The following KIAA1217 variants were observed in gnomAD, a reference collection of about 807,000 sequenced individuals.
The protein encoded by KIAA1217 is KIAA1217, also known as sickle tail protein homolog.
KIAA1217 carries 88 observed loss-of-function variants against 163.9 expected under a neutral mutation model. The observed-to-expected ratio is 0.54, with a 90% CI of 0.45 to 0.64. The LOEUF (loss-of-function observed/expected upper bound fraction) is 0.64, where lower values mean the gene tolerates loss of function less well. KIAA1217 is among the 30% of genes least tolerant of loss of function. The pLI, the probability that KIAA1217 is intolerant of heterozygous loss-of-function variation, is 0.00. For missense variants in KIAA1217, 2,372 were observed against 2,475.0 expected, an observed-to-expected ratio of 0.96 and a Z score of 0.88; for synonymous variants, 903 against 923.1, an observed-to-expected ratio of 0.98 and a Z score of 0.39.
intron 1 of KIAA1217, among the ~76,000 whole-genome samples, chr10:23,895,014 G>T (rs182262931): frequency 3.3e-5 from 5 of 152,084 alleles, no homozygotes; most frequent in Admixed American, 1.3e-4. Flanking sequence ...AGACTTAAAC[G>T]TTGGACCTAA....
intron 2 of KIAA1217, among the ~76,000 whole-genome samples, chr10:24,198,580 C>T (rs1490684977): frequency 7.1e-6 from 1 of 140,594 alleles, no homozygotes; most frequent in African/African-American, 2.8e-5. Context: ...CTGCTCTTAT[C>T]TCGAAAAAAA....
At chr10:24,358,639 T>G (rs10764469) in intron 2 of KIAA1217, among the ~76,000 whole-genome samples, 59,929 of 152,146 alleles carry the variant, frequency 0.39, 12,813 homozygotes, top group Middle Eastern at 0.49. Flanking sequence ...GATCAATGAC[T>G]GTGCTGTGGC....
At chr10:24,337,410 G>A (rs1196886823) in intron 2 of KIAA1217, among the ~76,000 whole-genome samples, 1 of 152,128 alleles carries the variant, frequency 6.6e-6, no homozygotes, top group Non-Finnish European at 1.5e-5. Flanking sequence ...TCTCATTGTA[G>A]CCCTGAAAGG....
intron 1 of KIAA1217, among the ~76,000 whole-genome samples, chr10:23,844,037 G>A (rs1290742647): frequency 6.6e-6 from 1 of 152,140 alleles, no homozygotes; most frequent in Non-Finnish European, 1.5e-5. Flanking sequence ...GGGAAGAGCA[G>A]CTGTATAGCT....
chr10:24,347,086 T>A (rs746636751), intron 2 of KIAA1217, among the ~76,000 whole-genome samples: 1 of 152,152 alleles, frequency 6.6e-6, no homozygotes, highest in African/African-American at 2.4e-5. Context: ...CACTCACTAG[T>A]CTGATACCTC....
intron 13 of KIAA1217, among the ~76,000 whole-genome samples, chr10:24,526,191 G>T (rs184887473): frequency 3.5e-4 from 54 of 152,142 alleles, no homozygotes; most frequent in African/African-American, 1.3e-3. Flanking sequence ...CAGTGGAGAG[G>T]TCAGGTTGGG....
intron 2 of KIAA1217, among the ~76,000 whole-genome samples, chr10:24,096,128 C>T (rs2062151383): frequency 6.6e-6 from 1 of 152,002 alleles, no homozygotes; most frequent in Admixed American, 6.5e-5. Context: ...TGAAACTAAA[C>T]TATTCTAAAC....
At chr10:24,491,438 T>A (rs1197025412) in intron 6 of KIAA1217, among the ~76,000 whole-genome samples, 2 of 151,898 alleles carry the variant, frequency 1.3e-5, no homozygotes, top group African/African-American at 4.8e-5. Flanking sequence ...TACAGTCATG[T>A]GCCACCACAC....
chr10:23,857,723 C>T lies in KIAA1217; in HGVS notation c.-320-149502C>T, dbSNP rs192453812. Among the ~76,000 whole-genome samples, 496 of 152,166 alleles carry T rather than the reference C, an allele frequency of 3.3e-3. 5 individuals are homozygous for T. Among genetic ancestry groups the T allele is most frequent in the African/African-American group, 0.01 (426 of 41,506 alleles). ...TGTGAGTGGAGTGACATCTCTCAACCTTTAGAGGAGTGGGGAATCTTTTCT... is the reference window on the plus strand; with the variant it reads ...TGTGAGTGGAGTGACATCTCTCAACTTTTAGAGGAGTGGGGAATCTTTTCT... On this transcript the variant is annotated intron_variant, in intron 1 of 18. Coordinates refer to the KIAA1217 transcript ENST00000376462.
chr10:24,154,926 CAAAAA>C (rs1250719385), intron 2 of KIAA1217, among the ~76,000 whole-genome samples: 1 of 68,690 alleles, frequency 1.5e-5, no homozygotes. Flanking sequence ...GACTCCATGT[CAAAAA>C]AAAAAAAAAA....
intron 2 of KIAA1217, among the ~76,000 whole-genome samples, chr10:24,190,787 A>T (rs1234769668): frequency 6.6e-6 from 1 of 152,140 alleles, no homozygotes; most frequent in Non-Finnish European, 1.5e-5. Flanking sequence ...TACCATATGG[A>T]TAGAGTCTAT....
intron 1 of KIAA1217, among the ~76,000 whole-genome samples, chr10:23,868,034 G>T (rs1366425638): frequency 6.6e-6 from 1 of 152,100 alleles, no homozygotes; most frequent in Admixed American, 6.6e-5. Flanking sequence ...TGTATAAGGT[G>T]TAAGGAAGGG....
chr10:23,820,849 T>G (rs1042439082), intron 1 of KIAA1217, among the ~76,000 whole-genome samples: 1 of 152,158 alleles, frequency 6.6e-6, no homozygotes, highest in African/African-American at 2.4e-5. Flanking sequence ...AAGAATATGA[T>G]GCTGGTGGAA....
intron 2 of KIAA1217, among the ~76,000 whole-genome samples, chr10:24,064,462 G>A (rs1238941623): frequency 2.0e-5 from 3 of 152,128 alleles, no homozygotes. Context: ...TGCATATGTT[G>A]AACCAGCCTT....
intron 2 of KIAA1217, among the ~76,000 whole-genome samples, chr10:24,286,443 C>CATAT (rs768917563): frequency 5.3e-5 from 8 of 150,564 alleles, no homozygotes; most frequent in African/African-American, 1.5e-4. Context: ...CACACACACG[C>CATAT]ATATATATAT....
At position 23,790,651 on chromosome 10, in the gene KIAA1217, GTA is replaced by G. The variant is rs1196013030; in HGVS notation, c.-321+95426_-321+95427del. Among the ~76,000 whole-genome samples, 96 of 125,928 alleles carry G rather than the reference GTA, an allele frequency of 7.6e-4. 2 individuals are homozygous for G. Among genetic ancestry groups the G allele is most frequent in the Middle Eastern group, 4.1e-3 (1 of 246 alleles). The allele number at this position is 125,928 out of a possible 152,430, so 82.6% of individuals were successfully genotyped here. On this transcript the variant is annotated intron_variant, in intron 1 of 18. Transcript: ENST00000376462. ...TATATATGTACATGTATACATATGT[GTA>G]TATATATACATATATATCATATATA...
intron 2 of KIAA1217, among the ~76,000 whole-genome samples, chr10:24,080,938 T>A (rs1297111280): frequency 1.3e-5 from 2 of 152,262 alleles, no homozygotes; most frequent in East Asian, 3.9e-4. Context: ...TATGACAATA[T>A]TTAGGGAAAT....
chr10:24,203,334 G>A (rs2067367117), intron 2 of KIAA1217, among the ~76,000 whole-genome samples: 2 of 152,136 alleles, frequency 1.3e-5, no homozygotes, highest in Admixed American at 1.3e-4. Context: ...GAGGATAAAA[G>A]ATCCTAAGGT....
At chr10:23,971,024 G>C (rs139897754) in intron 1 of KIAA1217, among the ~76,000 whole-genome samples, 2 of 152,328 alleles carry the variant, frequency 1.3e-5, no homozygotes, top group African/African-American at 4.8e-5. Flanking sequence ...CCAAGCGGGC[G>C]CTTGAGAGAT....
Sources: gnomAD v4.1 joint callset for allele counts (sites outside exome capture counted in the v4.1 genomes callset) on GRCh38, gnomAD v4.1.1 for gene constraint, MANE v1.5 for transcripts, NCBI Gene and HGNC (gene_info 2026-07-23, HGNC 2026-07-21) for gene names.